Variants in CNTNAP2 observed in about 807,000 individuals in gnomAD.
CNTNAP2 encodes contactin-associated protein-like 2.
In CNTNAP2, 98 loss-of-function variants were observed where a neutral mutation model predicts 155.2. The ratio of observed to expected loss-of-function variants is 0.63; its 90% CI spans 0.54 to 0.75. CNTNAP2 has a LOEUF of 0.75. CNTNAP2 is among the 30% of genes least tolerant of loss of function. CNTNAP2 has a pLI of 0.00. For missense variants in CNTNAP2, 1,727 were observed against 1,688.1 expected (o/e 1.02, Z -0.40); for synonymous variants, 651 against 631.2 (o/e 1.03, Z -0.47).
At chr7:147,914,528 G>A (rs1237462125) in intron 14 of CNTNAP2, among the ~76,000 whole-genome samples, 25 of 135,834 alleles carry the variant, frequency 1.8e-4, no homozygotes, top group Admixed American at 3.9e-4. Flanking sequence ...TGACAAGAGC[G>A]AAACTCCATC....
At chr7:147,300,539 G>T (rs1794929174) in intron 9 of CNTNAP2, among the ~76,000 whole-genome samples, 2 of 152,164 alleles carry the variant, frequency 1.3e-5, no homozygotes, top group African/African-American at 4.8e-5. Flanking sequence ...TAAAAAAGGA[G>T]ATTCTAAATT....
chr7:148,268,715 A>G (rs1796720592), intron 21 of CNTNAP2, among the ~76,000 whole-genome samples: 1 of 152,140 alleles, frequency 6.6e-6, no homozygotes, highest in South Asian at 2.1e-4. Context: ...GCCAGGCTCC[A>G]GTTTAAGCAC....
intron 1 of CNTNAP2, among the ~76,000 whole-genome samples, chr7:146,454,678 A>G (rs980804794): frequency 9.2e-5 from 14 of 152,074 alleles, no homozygotes; most frequent in Non-Finnish European, 1.6e-4. Flanking sequence ...TAAGGCAGCT[A>G]TATTGATTGC....
intron 1 of CNTNAP2, among the ~76,000 whole-genome samples, chr7:146,621,836 G>A (rs1170041303): frequency 6.6e-6 from 1 of 151,970 alleles, no homozygotes; most frequent in Non-Finnish European, 1.5e-5. Context: ...CCTCTTTGAG[G>A]GCACAGTGTT....
chr7:148,410,825 G>C (rs949898570), intron 23 of CNTNAP2, among the ~76,000 whole-genome samples: 1 of 152,132 alleles, frequency 6.6e-6, no homozygotes, highest in African/African-American at 2.4e-5. Flanking sequence ...GTGGGTTACA[G>C]GGTGCAAACA....
At chr7:146,392,513 G>T (rs1247809616) in intron 1 of CNTNAP2, among the ~76,000 whole-genome samples, 1 of 152,078 alleles carries the variant, frequency 6.6e-6, no homozygotes, top group African/African-American at 2.4e-5. Flanking sequence ...CTCTTTTTCG[G>T]TTGAAAGCAC....
chr7:147,353,914 T>C (rs1169692247), intron 9 of CNTNAP2, among the ~76,000 whole-genome samples: 1 of 152,152 alleles, frequency 6.6e-6, no homozygotes, highest in Non-Finnish European at 1.5e-5. Context: ...GCTTTTTTCA[T>C]GTTTGTTGGT....
intron 3 of CNTNAP2, among the ~76,000 whole-genome samples, chr7:147,021,168 T>G (rs1798811331): frequency 6.6e-6 from 1 of 152,150 alleles, no homozygotes; most frequent in African/African-American, 2.4e-5. Flanking sequence ...CACCAATTTG[T>G]AAACTTTATT....
chr7:147,407,774 G>T (rs1435197367), intron 10 of CNTNAP2, among the ~76,000 whole-genome samples: 1 of 152,100 alleles, frequency 6.6e-6, no homozygotes, highest in East Asian at 1.9e-4. Context: ...TTAATAAGAG[G>T]AATAAAACCA....
chr7:147,578,772 G>A (rs1160805561), intron 12 of CNTNAP2, among the ~76,000 whole-genome samples: 1 of 151,856 alleles, frequency 6.6e-6, no homozygotes, highest in Non-Finnish European at 1.5e-5. Flanking sequence ...AACTACAAAA[G>A]AAACCATTTA....
intron 11 of CNTNAP2, among the ~76,000 whole-genome samples, chr7:147,554,154 C>T (rs1178517808): frequency 1.3e-5 from 2 of 152,132 alleles, no homozygotes; most frequent in Non-Finnish European, 2.9e-5. Flanking sequence ...GGCTTTCTCT[C>T]CTTCTTAGAG....
intron 12 of CNTNAP2, among the ~76,000 whole-genome samples, chr7:147,565,360 G>GA (rs1375433190): frequency 6.6e-6 from 1 of 151,890 alleles, no homozygotes; most frequent in Non-Finnish European, 1.5e-5. Context: ...GTGTAGGGCA[G>GA]AAAAAAGTGC....
chr7:147,245,761 C>CAAA (rs34304342), intron 8 of CNTNAP2, among the ~76,000 whole-genome samples: 14,662 of 84,322 alleles, frequency 0.17, 1,660 homozygotes, highest in African/African-American at 0.19. Context: ...GACTCTGTCT[C>CAAA]AAAAAAAAAA....
At chr7:147,465,966 A>T (rs543397494) in intron 10 of CNTNAP2, among the ~76,000 whole-genome samples, 2 of 152,320 alleles carry the variant, frequency 1.3e-5, no homozygotes, top group East Asian at 3.9e-4. Context: ...ACATTGCCAT[A>T]TTTATATCTA....
intron 21 of CNTNAP2, among the ~76,000 whole-genome samples, chr7:148,372,956 A>G (rs972457008): frequency 6.6e-6 from 1 of 152,140 alleles, no homozygotes; most frequent in East Asian, 1.9e-4. Context: ...TAGGACACAA[A>G]TGCACACATT....
intron 10 of CNTNAP2, among the ~76,000 whole-genome samples, chr7:147,474,449 G>C (rs973393962): frequency 2.0e-5 from 3 of 152,042 alleles, no homozygotes; most frequent in African/African-American, 7.2e-5. Context: ...ATAAAAATTA[G>C]TTGGGCATCT....
At chr7:147,178,943 T>C (rs1313654324) in intron 8 of CNTNAP2, among the ~76,000 whole-genome samples, 3 of 152,132 alleles carry the variant, frequency 2.0e-5, no homozygotes, top group Non-Finnish European at 4.4e-5. Flanking sequence ...GATTAAGGAC[T>C]CCAGATAAAG....
intron 1 of CNTNAP2, among the ~76,000 whole-genome samples, chr7:146,446,206 A>G (rs1796399515): frequency 6.6e-6 from 1 of 152,196 alleles, no homozygotes; most frequent in South Asian, 2.1e-4. Flanking sequence ...TTATGTTTTA[A>G]TAATAATCAT....
chr7:147,509,788 G>A (rs1247743641), intron 11 of CNTNAP2, among the ~76,000 whole-genome samples: 1 of 151,940 alleles, frequency 6.6e-6, no homozygotes, highest in East Asian at 1.9e-4. Context: ...TATGCTGCCT[G>A]GAATGTGCTC....
Sources: gnomAD v4.1 joint callset for allele counts (sites outside exome capture counted in the v4.1 genomes callset) on GRCh38, gnomAD v4.1.1 for gene constraint, MANE v1.5 for transcripts, NCBI Gene and HGNC (gene_info 2026-07-23, HGNC 2026-07-21) for gene names.